SNX25: variants seen among roughly 807,000 people sequenced by gnomAD.
The protein encoded by SNX25 is sorting nexin 25.
Under a neutral mutation model 113.7 loss-of-function variants are expected in SNX25, and 62 were observed. The ratio of observed to expected loss-of-function variants is 0.55; its 90% confidence interval spans 0.44 to 0.67. SNX25 has a LOEUF of 0.67. Among genes scored for constraint, SNX25 ranks in the 30% least tolerant of loss-of-function variants. The pLI is 0.00. For synonymous variants in SNX25, 421 were observed against 436.2 expected (o/e 0.97, Z 0.43); for missense variants, 1,014 against 1,161.0 (o/e 0.87, Z 1.84).
chr4:185,372,151 A>G (rs867869000), downstream of SNX25, among the ~76,000 whole-genome samples: 1 of 152,366 alleles, frequency 6.6e-6, no homozygotes, highest in Non-Finnish European at 1.5e-5. Context: ...GTGCAGTTAT[A>G]GAACTGCATG....
intron 13 of SNX25, among the ~76,000 whole-genome samples, chr4:185,349,547 C>T (rs2095305297): frequency 6.6e-6 from 1 of 152,260 alleles, no homozygotes; most frequent in South Asian, 2.1e-4. Context: ...ACAAGGGTTC[C>T]CTTTTCTTTC....
chr4:185,255,036 C>T (rs186089634), intron 2 of SNX25, among the ~76,000 whole-genome samples: 6 of 151,558 alleles, frequency 4.0e-5, no homozygotes, highest in Admixed American at 1.3e-4. Context: ...TAAGTTGACC[C>T]GTAGGGTATG....
intron 5 of SNX25, among the ~76,000 whole-genome samples, chr4:185,277,543 C>T (rs993152552): frequency 3.3e-5 from 5 of 151,996 alleles, no homozygotes; most frequent in African/African-American, 1.2e-4. Flanking sequence ...TTAAAGCCAC[C>T]AGCATGACGT....
downstream of SNX25, among the ~76,000 whole-genome samples, chr4:185,368,109 C>T (rs1405450439): frequency 4.6e-5 from 7 of 152,068 alleles, no homozygotes; most frequent in South Asian, 4.1e-4. Flanking sequence ...ACCTGGGAGG[C>T]GGAGCTTGCA....
At chr4:185,372,722 T>C (rs976333207), downstream of SNX25, 2 of 665,472 alleles carry the variant, frequency 3.0e-6, no homozygotes, top group Admixed American at 3.0e-5. Context: ...CGTGAGGACA[T>C]GATGGTCCTC....
chr4:185,298,483 A>T (rs186737738), intron 6 of SNX25, among the ~76,000 whole-genome samples: 147 of 152,100 alleles, frequency 9.7e-4, no homozygotes, highest in African/African-American at 3.0e-3. Flanking sequence ...GATTTTTTTT[A>T]AAAAAATACA....
At chr4:185,375,722 C>T in the SNX25 span, 2 of 1,589,798 alleles carry the variant, frequency 1.3e-6, no homozygotes, top group Non-Finnish European at 1.7e-6. Flanking sequence ...TTCTTCATAC[C>T]ATCCCTAGAA....
chr4:185,278,708 T>C (rs1047153734), intron 5 of SNX25, among the ~76,000 whole-genome samples: 1 of 152,178 alleles, frequency 6.6e-6, no homozygotes, highest in African/African-American at 2.4e-5. Flanking sequence ...ACATTTTCAA[T>C]ATAGAACATA....
intron 1 of SNX25, among the ~76,000 whole-genome samples, chr4:185,235,591 G>T (rs890316779): frequency 6.6e-6 from 1 of 152,164 alleles, no homozygotes; most frequent in African/African-American, 2.4e-5. Flanking sequence ...CTTCTCAGCC[G>T]ATAGAAGACT....
In SNX25 at chr4:185,362,703, C is replaced by T. The variant is rs2095370671; in HGVS notation, c.2926C>T (p.Leu976=). 4 of 1,612,880 alleles carry T rather than the reference C, an allele frequency of 2.5e-6. No individual in the cohort carries two copies. Among genetic ancestry groups the T allele is most frequent in the African/African-American group, 2.7e-5 (2 of 74,836 alleles). Residue 976 remains leucine (L), a synonymous_variant, in exon 18 of 19, where the codon CTG becomes TTG. Coordinates refer to ENST00000652585, the MANE Select transcript of SNX25 (RefSeq NM_001378034.2). The part of the protein sequence containing the change: ...ALQETRANKH[L]LYALMELLLI... ...GCAAGAAACAAGAGCCAACAAGCAT[C>T]TGTTATATGTGAGTAAATTAAAGCC...
At chr4:185,239,696 T>C (rs1743326335) in intron 1 of SNX25, among the ~76,000 whole-genome samples, 1 of 151,664 alleles carries the variant, frequency 6.6e-6, no homozygotes, top group African/African-American at 2.4e-5. Flanking sequence ...ATGCTTTGCT[T>C]TCTTTTTTTT....
At chr4:185,249,547 G>A (rs1056947961) in intron 2 of SNX25, among the ~76,000 whole-genome samples, 2 of 152,086 alleles carry the variant, frequency 1.3e-5, no homozygotes, top group African/African-American at 2.4e-5. Flanking sequence ...CTCCTAGTTT[G>A]TGAGTTGCCT....
At chr4:185,225,666 G>C (rs1237243527) in intron 1 of SNX25, among the ~76,000 whole-genome samples, 1 of 152,172 alleles carries the variant, frequency 6.6e-6, no homozygotes, top group Non-Finnish European at 1.5e-5. Context: ...GTAATGGGTA[G>C]AGCTAAACTT....
the SNX25 span, chr4:185,378,312 C>T: frequency 1.6e-5 from 24 of 1,484,034 alleles, no homozygotes; most frequent in African/African-American, 3.2e-4. Context: ...GCATCCTTCT[C>T]TCATCGCCTA....
At chr4:185,354,038 T>C (rs2095328210) in intron 15 of SNX25, among the ~76,000 whole-genome samples, 1 of 138,164 alleles carries the variant, frequency 7.2e-6, no homozygotes, top group Non-Finnish European at 1.5e-5. Context: ...CGAGACTCCG[T>C]CTCAAAAAAA....
chr4:185,357,817 C>T, intron 16 of SNX25, 80 bp downstream of exon 16: 1 of 1,163,314 alleles, frequency 8.6e-7, no homozygotes, highest in Non-Finnish European at 1.3e-6. Flanking sequence ...GATCTAGCAG[C>T]CAGTCATTTA....
chr4:185,248,045 T>TA (rs1745110704), intron 2 of SNX25, among the ~76,000 whole-genome samples: 1 of 152,180 alleles, frequency 6.6e-6, no homozygotes, highest in African/African-American at 2.4e-5. Flanking sequence ...GACGTGAAGT[T>TA]AAGAGAGCTG....
intron 5 of SNX25, among the ~76,000 whole-genome samples, chr4:185,279,650 C>A (rs1404114408): frequency 6.6e-6 from 1 of 152,100 alleles, no homozygotes; most frequent in Non-Finnish European, 1.5e-5. Context: ...TTTCTTTGCT[C>A]ATAATATTGG....
At chr4:185,284,839 T>C (rs1751122336) in intron 5 of SNX25, among the ~76,000 whole-genome samples, 1 of 152,112 alleles carries the variant, frequency 6.6e-6, no homozygotes, top group South Asian at 2.1e-4. Flanking sequence ...CAATGGTAGC[T>C]GAAGGTAGTG....
Sources: allele counts gnomAD v4.1 joint callset (sites outside exome capture counted in the v4.1 genomes callset), GRCh38; gene constraint gnomAD v4.1.1; transcripts MANE v1.5; gene names NCBI Gene and HGNC (gene_info 2026-07-23, HGNC 2026-07-21).